The following NXPE2 variants were observed in gnomAD, a reference collection of about 807,000 sequenced individuals.
The protein encoded by NXPE2 is NXPE family member 2.
NXPE2 carries 34 observed loss-of-function variants against 34.4 expected under a neutral mutation model. The ratio of observed to expected loss-of-function variants is 0.99; its 90% CI spans 0.75 to 1.31. The LOEUF (loss-of-function observed/expected upper bound fraction) is 1.31, where lower values mean the gene tolerates loss of function less well. Among genes scored for constraint, NXPE2 ranks in the 40% most tolerant of loss-of-function variants. NXPE2 has a pLI of 0.00. For missense variants in NXPE2, 649 were observed against 672.5 expected, an observed-to-expected ratio of 0.97 and a Z score of 0.39; for synonymous variants, 235 against 231.3, an observed-to-expected ratio of 1.02 and a Z score of -0.15.
chr11:114,582,731 G>C, the NXPE2 span: 1 of 1,614,172 alleles, frequency 6.2e-7, no homozygotes, highest in Non-Finnish European at 8.5e-7. Flanking sequence ...ATTGCTTCCT[G>C]CGTCCCAAGT....
At chr11:114,594,706 T>A in the NXPE2 span, 4 of 1,604,966 alleles carry the variant, frequency 2.5e-6, no homozygotes, top group Non-Finnish European at 3.4e-6. Flanking sequence ...TCCAGGAGGC[T>A]AATATAAACA....
At chr11:114,627,410 A>G in the NXPE2 span, among the ~76,000 whole-genome samples, 1 of 151,778 alleles carries the variant, frequency 6.6e-6, no homozygotes, top group Non-Finnish European at 1.5e-5. Context: ...TTTCATATCC[A>G]GCCAAACTAA....
At chr11:114,591,066 G>A in the NXPE2 span, among the ~76,000 whole-genome samples, 1 of 152,136 alleles carries the variant, frequency 6.6e-6, no homozygotes, top group African/African-American at 2.4e-5. Context: ...AAACTCCCCT[G>A]GAAAATCCAG....
At chr11:114,546,736 G>A in the NXPE2 span, among the ~76,000 whole-genome samples, 1 of 152,064 alleles carries the variant, frequency 6.6e-6, no homozygotes, top group African/African-American at 2.4e-5. Flanking sequence ...TTGGATAAAC[G>A]GCTGATTCTA....
At chr11:114,537,300 T>C in the NXPE2 span, among the ~76,000 whole-genome samples, 4 of 152,316 alleles carry the variant, frequency 2.6e-5, no homozygotes, top group South Asian at 8.3e-4. Context: ...AAGAGCTATC[T>C]ATGACAACCC....
At chr11:114,497,473 A>G in the NXPE2 span, among the ~76,000 whole-genome samples, 1 of 152,022 alleles carries the variant, frequency 6.6e-6, no homozygotes, top group Non-Finnish European at 1.5e-5. Flanking sequence ...TATCTTTTAT[A>G]CTATATTTTA....
chr11:114,588,455 C>A, the NXPE2 span, among the ~76,000 whole-genome samples: 2 of 152,244 alleles, frequency 1.3e-5, no homozygotes, highest in East Asian at 3.9e-4. Flanking sequence ...CTAAGCCAAA[C>A]CCTAACTGCA....
chr11:114,493,218 A>T, the NXPE2 span, among the ~76,000 whole-genome samples: 197 of 152,194 alleles, frequency 1.3e-3, no homozygotes, highest in African/African-American at 4.5e-3. Flanking sequence ...ATGGTGAAGT[A>T]TGTTTCTTGT....
chr11:114,718,198 T>C, the NXPE2 span, among the ~76,000 whole-genome samples: 1 of 152,354 alleles, frequency 6.6e-6, no homozygotes, highest in Admixed American at 6.5e-5. Context: ...CCTGGTTCCT[T>C]ACTATCAGAT....
chr11:114,674,881 AAC>A (rs1184468430), upstream of NXPE2, among the ~76,000 whole-genome samples: 2 of 151,882 alleles, frequency 1.3e-5, no homozygotes, highest in Admixed American at 6.6e-5. Context: ...ATCCCTAATG[AAC>A]ATAGATGCAA....
At chr11:114,743,565 A>G in the NXPE2 span, among the ~76,000 whole-genome samples, 3 of 151,912 alleles carry the variant, frequency 2.0e-5, no homozygotes, top group Admixed American at 6.6e-5. Flanking sequence ...ACTTGCATGT[A>G]CTTTTTGAGT....
the NXPE2 span, among the ~76,000 whole-genome samples, chr11:114,488,971 T>C: frequency 6.6e-6 from 1 of 151,580 alleles, no homozygotes; most frequent in Admixed American, 6.6e-5. Context: ...GCAAGACTAA[T>C]AAAGAAGAAA....
chr11:114,522,265 A>C, the NXPE2 span: 12 of 1,613,944 alleles, frequency 7.4e-6, no homozygotes, highest in South Asian at 1.2e-4. Context: ...TGCGAATAAA[A>C]ATGTCAATGG....
chr11:114,657,511 C>T, the NXPE2 span, among the ~76,000 whole-genome samples: 1 of 152,098 alleles, frequency 6.6e-6, no homozygotes, highest in Non-Finnish European at 1.5e-5. Context: ...CAAAGTGCCA[C>T]TTACTCTTAC....
the NXPE2 span, among the ~76,000 whole-genome samples, chr11:114,794,065 C>T: frequency 1.2e-4 from 18 of 152,240 alleles, no homozygotes; most frequent in African/African-American, 3.9e-4. Flanking sequence ...AGCTCCTTCC[C>T]GTGATCCCCC....
the NXPE2 span, among the ~76,000 whole-genome samples, chr11:114,743,372 G>T: frequency 6.6e-5 from 10 of 151,996 alleles, no homozygotes; most frequent in Non-Finnish European, 1.3e-4. Flanking sequence ...AATATAAAAT[G>T]GAAATTATGA....
chr11:114,793,750 A>C, the NXPE2 span, among the ~76,000 whole-genome samples: 1 of 152,170 alleles, frequency 6.6e-6, no homozygotes, highest in African/African-American at 2.4e-5. Context: ...TTGAAGAGAG[A>C]ACTGAAGGAT....
At chr11:114,494,513 A>G in the NXPE2 span, among the ~76,000 whole-genome samples, 2 of 152,084 alleles carry the variant, frequency 1.3e-5, no homozygotes, top group African/African-American at 2.4e-5. Flanking sequence ...CAATAGACCA[A>G]TTGCCTTTTT....
At chr11:114,656,044 C>T in the NXPE2 span, among the ~76,000 whole-genome samples, 2 of 152,064 alleles carry the variant, frequency 1.3e-5, no homozygotes, top group African/African-American at 2.4e-5. Context: ...ATCTCAGCCC[C>T]AAAACTTCTT....
Sources: allele counts gnomAD v4.1 joint callset (sites outside exome capture counted in the v4.1 genomes callset), GRCh38; gene constraint gnomAD v4.1.1; transcripts MANE v1.5; gene names NCBI Gene and HGNC (gene_info 2026-07-23, HGNC 2026-07-21).